Variants in FUT8 observed in about 807,000 individuals in gnomAD.
FUT8 encodes the protein alpha-(1,6)-fucosyltransferase.
A neutral mutation model predicts 71.3 loss-of-function variants in FUT8; 29 were observed. The ratio of observed to expected loss-of-function variants is 0.41; its 90% CI spans 0.30 to 0.55. The LOEUF is 0.55. Among genes scored for constraint, FUT8 ranks in the 20% least tolerant of loss-of-function variants. The pLI is 0.34. For missense variants in FUT8, 544 were observed against 702.1 expected (o/e 0.77, Z 2.55); for synonymous variants, 254 against 239.3 (o/e 1.06, Z -0.57).
chr14:65,565,332 C>T (rs942185394), intron 3 of FUT8, among the ~76,000 whole-genome samples: 2 of 151,754 alleles, frequency 1.3e-5, no homozygotes, highest in African/African-American at 2.4e-5. Flanking sequence ...CAAATTTCAA[C>T]GTGAGTTTTG....
intron 2 of FUT8, among the ~76,000 whole-genome samples, chr14:65,540,951 G>A (rs75491503): frequency 0.017 from 2,659 of 152,236 alleles, 79 homozygotes; most frequent in African/African-American, 0.061. Flanking sequence ...TATTGGGGAT[G>A]GTTAAGAAAG....
chr14:65,358,616 T>C, the FUT8 span, among the ~76,000 whole-genome samples: 1 of 152,076 alleles, frequency 6.6e-6, no homozygotes, highest in Non-Finnish European at 1.5e-5. Context: ...CGGCTAATTT[T>C]TGTGGTTTTG....
rs1307734621 is a variant in FUT8 at position 65,413,250 on chromosome 14, C to T, written c.-326+36C>T. 6.6e-6 allele frequency: 1 copy of T among 152,576 alleles called. No homozygotes were observed. The highest frequency in any genetic ancestry group is 2.4e-5 in the African/African-American group (1 of 41,470). 9.5% of individuals were successfully genotyped at this position (152,576 alleles called of 1,614,324 possible). A position where few individuals can be genotyped will look rare whatever the true frequency, so the allele number is the denominator to read the frequency against. ...GTTTTGGGAGCCGGGCCCCGCGCGC[C>T]TCGGGGTCTTGGGCTGGGCTGCGCG... is the stretch of plus-strand genomic sequence containing the variant. On this transcript the variant is annotated intron_variant, in intron 1 of 10. Coordinates refer to ENST00000673929, the MANE Select transcript of FUT8 (RefSeq NM_001371533.1). The surrounding 1 kb of genome is among the most constrained non-coding windows in gnomAD (Gnocchi z 4.1).
intron 6 of FUT8, among the ~76,000 whole-genome samples, chr14:65,633,232 G>A (rs1253054301): frequency 1.3e-5 from 2 of 152,202 alleles, no homozygotes; most frequent in African/African-American, 4.8e-5. Context: ...TGTTGGCCGG[G>A]CTGGTCTCCA....
At chr14:65,460,538 C>T (rs1212911617) in intron 2 of FUT8, among the ~76,000 whole-genome samples, 1 of 152,122 alleles carries the variant, frequency 6.6e-6, no homozygotes, top group African/African-American at 2.4e-5. Context: ...ATATGGTACT[C>T]TGTCTATGCT....
chr14:65,387,837 G>T, the FUT8 span, among the ~76,000 whole-genome samples: 20,450 of 152,104 alleles, frequency 0.13, 2,039 homozygotes, highest in East Asian at 0.54. Context: ...AGTTGCTTAA[G>T]GTACACAGTA....
At chr14:65,364,871 A>G in the FUT8 span, among the ~76,000 whole-genome samples, 1 of 151,952 alleles carries the variant, frequency 6.6e-6, no homozygotes, top group Admixed American at 6.6e-5. Flanking sequence ...GTGTCACATC[A>G]TTCCTGGGCC....
intron 1 of FUT8, among the ~76,000 whole-genome samples, chr14:65,439,954 G>GTGTATGTATATATATATATATATATA: frequency 1.3e-5 from 1 of 74,984 alleles, no homozygotes; most frequent in Non-Finnish European, 2.5e-5. Flanking sequence ...GTGTGTGTGT[G>GTGTATGTATATATATATATATATATA]TATATATATA....
At chr14:65,716,410 A>G (rs866873199) in intron 7 of FUT8, among the ~76,000 whole-genome samples, 2 of 144,754 alleles carry the variant, frequency 1.4e-5, no homozygotes, top group Non-Finnish European at 3.0e-5. Context: ...AAAATAATGG[A>G]ATTTATTCTA....
the FUT8 span, among the ~76,000 whole-genome samples, chr14:65,375,159 C>A: frequency 6.6e-6 from 1 of 151,992 alleles, no homozygotes; most frequent in Non-Finnish European, 1.5e-5. Flanking sequence ...CTCAATACAC[C>A]CTTTAAGATG....
intron 2 of FUT8, among the ~76,000 whole-genome samples, chr14:65,486,948 A>G (rs1329250038): frequency 6.6e-6 from 1 of 152,208 alleles, no homozygotes; most frequent in Non-Finnish European, 1.5e-5. Context: ...AGCAGTGCTT[A>G]CAGTTACCTT....
At chr14:65,368,180 G>A in the FUT8 span, among the ~76,000 whole-genome samples, 1,072 of 146,990 alleles carry the variant, frequency 7.3e-3, 14 homozygotes, top group African/African-American at 0.025. Flanking sequence ...CAGCCTTCCC[G>A]GTAGCTGGGA....
intron 3 of FUT8, among the ~76,000 whole-genome samples, chr14:65,569,393 C>T (rs1886361809): frequency 6.6e-6 from 1 of 151,246 alleles, no homozygotes; most frequent in Admixed American, 6.6e-5. Context: ...CTTTATGTGT[C>T]TTTCATGATC....
intron 2 of FUT8, among the ~76,000 whole-genome samples, chr14:65,495,840 G>A (rs2139744011): frequency 6.6e-6 from 1 of 152,244 alleles, no homozygotes; most frequent in East Asian, 1.9e-4. Flanking sequence ...TTGGAAACCA[G>A]TGCTTACCAT....
intron 7 of FUT8, among the ~76,000 whole-genome samples, chr14:65,676,707 G>T (rs1892734504): frequency 6.7e-6 from 1 of 149,562 alleles, no homozygotes; most frequent in South Asian, 2.1e-4. Context: ...TTGAGTCTCA[G>T]TCACAGTTGA....
intron 3 of FUT8, among the ~76,000 whole-genome samples, chr14:65,602,885 G>A (rs558869274): frequency 1.3e-5 from 2 of 151,538 alleles, no homozygotes; most frequent in East Asian, 3.9e-4. Context: ...TCCTTGCTGT[G>A]GATTCTGTAT....
At chr14:65,688,505 T>C (rs1893411621) in intron 7 of FUT8, among the ~76,000 whole-genome samples, 1 of 120,476 alleles carries the variant, frequency 8.3e-6, no homozygotes, top group Admixed American at 1.1e-4. Flanking sequence ...GTGCTGGAAC[T>C]GGACATCCAC....
chr14:65,520,941 A>G (rs1453813049), intron 2 of FUT8, among the ~76,000 whole-genome samples: 1 of 152,158 alleles, frequency 6.6e-6, no homozygotes, highest in African/African-American at 2.4e-5. Context: ...TTAAGCACAC[A>G]TATAAGACTG....
At chr14:65,713,803 C>T (rs1407115447) in intron 7 of FUT8, among the ~76,000 whole-genome samples, 1 of 152,142 alleles carries the variant, frequency 6.6e-6, no homozygotes, top group African/African-American at 2.4e-5. Context: ...GGGTAGTTTG[C>T]AAATATTTTC....
Sources: gnomAD v4.1 joint callset for allele counts (sites outside exome capture counted in the v4.1 genomes callset) on GRCh38, gnomAD v4.1.1 for gene constraint, Gnocchi (gnomAD v3.1) non-coding constraint, MANE v1.5 for transcripts, NCBI Gene and HGNC (gene_info 2026-07-23, HGNC 2026-07-21) for gene names.